The following RBMS3 variants were observed in gnomAD, a reference collection of about 807,000 sequenced individuals.
RBMS3 encodes the protein RNA binding motif single stranded interacting protein 3, also known as RNA-binding motif, single-stranded-interacting protein 3.
In RBMS3, 27 loss-of-function variants were observed where a neutral mutation model predicts 66.8. The ratio of observed to expected loss-of-function variants is 0.40; its 90% CI spans 0.30 to 0.56. The LOEUF is 0.56. Ranked by LOEUF, RBMS3 falls within the 20% of genes least tolerant of loss-of-function variation. The pLI is 0.40. For synonymous variants in RBMS3, 188 were observed against 183.0 expected (o/e 1.03, Z -0.22); for missense variants, 513 against 549.5 (o/e 0.93, Z 0.66).
rs1399089502 is a variant in RBMS3 at position 29,618,554 on chromosome 3, C to T, written c.399+31349C>T. Among the ~76,000 whole-genome samples, 4 of 151,974 alleles carry T rather than the reference C, an allele frequency of 2.6e-5. No individual in the cohort carries two copies. The East Asian group carries it at 7.7e-4, about 29-fold the overall frequency. ...TAGCACAGAGCAAAGCCCATTTCTCCTCCTTGTCATTTCTCAATCAGTGTG... is the reference window on the plus strand; with the variant it reads ...TAGCACAGAGCAAAGCCCATTTCTCTTCCTTGTCATTTCTCAATCAGTGTG... On this transcript the variant is annotated intron_variant, in intron 4 of 14. Coordinates refer to ENST00000383767, the MANE Select transcript of RBMS3 (RefSeq NM_001003793.3).
At chr3:29,730,776 C>G (rs1390900620) in intron 4 of RBMS3, 23 of 752,702 alleles carry the variant, frequency 3.1e-5, no homozygotes, top group Non-Finnish European at 3.7e-5. Context: ...TCATTTTTGA[C>G]CATCAGGACC....
intron 1 of RBMS3, among the ~76,000 whole-genome samples, chr3:29,413,419 T>C (rs74395181): frequency 0.022 from 2,395 of 110,990 alleles, 48 homozygotes; most frequent in South Asian, 0.098. Flanking sequence ...CATACATACA[T>C]ACATACACAG....
At chr3:29,380,035 A>T (rs1487019933) in intron 1 of RBMS3, among the ~76,000 whole-genome samples, 1 of 152,186 alleles carries the variant, frequency 6.6e-6, no homozygotes, top group Non-Finnish European at 1.5e-5. Context: ...GACATTTCTG[A>T]CAGGGGGAAA....
intron 6 of RBMS3, among the ~76,000 whole-genome samples, chr3:29,816,783 T>C (rs1333128440): frequency 1.3e-5 from 2 of 152,126 alleles, no homozygotes; most frequent in African/African-American, 4.8e-5. Context: ...TGATCCCAAC[T>C]GGCACCTAAG....
intron 2 of RBMS3, among the ~76,000 whole-genome samples, chr3:29,435,916 G>C (rs918567258): frequency 6.6e-6 from 1 of 151,526 alleles, no homozygotes; most frequent in Non-Finnish European, 1.5e-5. Flanking sequence ...GGAGTTTGCA[G>C]TGAGCCGAGA....
chr3:29,884,911 T>C (rs200252236), intron 8 of RBMS3, among the ~76,000 whole-genome samples: 1 of 151,978 alleles, frequency 6.6e-6, no homozygotes, highest in Non-Finnish European at 1.5e-5. Context: ...TCTTTTATTT[T>C]GGAATTCTCC....
chr3:29,361,202 T>G, intron 1 of RBMS3, among the ~76,000 whole-genome samples: 1 of 152,084 alleles, frequency 6.6e-6, no homozygotes, highest in East Asian at 1.9e-4. Flanking sequence ...TTCCTTTCCA[T>G]GTTTAGTGCT....
chr3:29,488,050 G>A (rs1270888558), intron 2 of RBMS3, among the ~76,000 whole-genome samples: 1 of 152,154 alleles, frequency 6.6e-6, no homozygotes, highest in South Asian at 2.1e-4. Context: ...GTGAAGTTGG[G>A]TTAAACTCTG....
chr3:29,500,646 G>A (rs1331484563), intron 3 of RBMS3, among the ~76,000 whole-genome samples: 1 of 151,964 alleles, frequency 6.6e-6, no homozygotes, highest in Non-Finnish European at 1.5e-5. Context: ...ATGCGGTACA[G>A]GTTTGTAGCC....
At chr3:29,569,561 C>T (rs898575527) in intron 3 of RBMS3, among the ~76,000 whole-genome samples, 2 of 151,940 alleles carry the variant, frequency 1.3e-5, no homozygotes, top group African/African-American at 4.8e-5. Flanking sequence ...GATATATTTC[C>T]AAAAATCCTT....
intron 4 of RBMS3, among the ~76,000 whole-genome samples, chr3:29,679,647 T>C (rs1038726383): frequency 6.6e-6 from 1 of 152,078 alleles, no homozygotes; most frequent in Non-Finnish European, 1.5e-5. Context: ...CCGTATTATA[T>C]CATCCTACTC....
At chr3:29,393,936 A>C (rs2039426765) in intron 1 of RBMS3, among the ~76,000 whole-genome samples, 1 of 152,196 alleles carries the variant, frequency 6.6e-6, no homozygotes, top group Non-Finnish European at 1.5e-5. Flanking sequence ...ACAAGGCTAG[A>C]GCGAAATTAG....
intron 4 of RBMS3, among the ~76,000 whole-genome samples, chr3:29,707,566 C>A (rs1235971210): frequency 6.6e-6 from 1 of 152,166 alleles, no homozygotes; most frequent in African/African-American, 2.4e-5. Context: ...CCAAATAATT[C>A]TTTTGCACAC....
intron 10 of RBMS3, chr3:29,934,243 A>G (rs879272228): frequency 1.3e-5 from 2 of 152,032 alleles, no homozygotes; most frequent in Admixed American, 6.6e-5. Context: ...TCTTGAGTTC[A>G]AGAAGAGAAT....
At chr3:29,303,887 G>A (rs1246047459) in intron 1 of RBMS3, among the ~76,000 whole-genome samples, 1 of 151,978 alleles carries the variant, frequency 6.6e-6, no homozygotes, top group Non-Finnish European at 1.5e-5. Context: ...GGAGGTGAAA[G>A]GCACTTCTTA....
intron 6 of RBMS3, among the ~76,000 whole-genome samples, chr3:29,867,465 G>A (rs1004852319): frequency 1.4e-5 from 2 of 142,592 alleles, no homozygotes; most frequent in African/African-American, 5.3e-5. Flanking sequence ...TTGGATGTGC[G>A]GGTTCACATG....
intron 12 of RBMS3, among the ~76,000 whole-genome samples, chr3:29,976,915 C>T (rs1577298603): frequency 6.6e-6 from 1 of 152,072 alleles, no homozygotes; most frequent in Non-Finnish European, 1.5e-5. Flanking sequence ...TCTGACAAAT[C>T]GTAACTCAGT....
At chr3:29,939,728 T>A (rs749049532) in intron 11 of RBMS3, among the ~76,000 whole-genome samples, 1 of 151,838 alleles carries the variant, frequency 6.6e-6, no homozygotes, top group Non-Finnish European at 1.5e-5. Context: ...AACATACTTA[T>A]GCCACATGAT....
intron 12 of RBMS3, among the ~76,000 whole-genome samples, chr3:29,966,584 A>G (rs1315801550): frequency 6.6e-6 from 1 of 152,080 alleles, no homozygotes; most frequent in East Asian, 1.9e-4. Flanking sequence ...CAGTTCTAGG[A>G]GTTTTCTGGA....
Sources: gnomAD v4.1 joint callset for allele counts (sites outside exome capture counted in the v4.1 genomes callset) on GRCh38, gnomAD v4.1.1 for gene constraint, MANE v1.5 for transcripts, NCBI Gene and HGNC (gene_info 2026-07-23, HGNC 2026-07-21) for gene names.